The following FAM117B variants were observed in gnomAD, a reference collection of about 807,000 sequenced individuals.
FAM117B encodes family with sequence similarity 117 member B, also known as protein FAM117B.
Under a neutral mutation model 52.8 loss-of-function variants are expected in FAM117B, and 22 were observed. That is an observed-to-expected ratio of 0.42 (90% CI 0.30 to 0.59). The LOEUF is 0.59. FAM117B is among the 20% of genes least tolerant of loss of function. The probability of loss-of-function intolerance (pLI) is 0.22; values close to 1 mark genes in which losing one functional copy is unlikely to be tolerated. For missense variants in FAM117B, 678 were observed against 802.6 expected (o/e 0.84, Z 1.88); for synonymous variants, 309 against 324.1 (o/e 0.95, Z 0.50).
chr2:202,662,759 G>T (rs569430444), intron 1 of FAM117B, among the ~76,000 whole-genome samples: 1 of 152,206 alleles, frequency 6.6e-6, no homozygotes, highest in South Asian at 2.1e-4. Context: ...CAGGAGAATT[G>T]CTTGAACCCG....
chr2:202,642,188 C>T (rs565219901), intron 1 of FAM117B, among the ~76,000 whole-genome samples: 3 of 144,258 alleles, frequency 2.1e-5, no homozygotes, highest in Non-Finnish European at 3.0e-5. Flanking sequence ...CTCCTGACCT[C>T]GTGATCTGTC....
intron 1 of FAM117B, among the ~76,000 whole-genome samples, chr2:202,660,491 A>G (rs978653601): frequency 5.3e-5 from 8 of 152,002 alleles, no homozygotes; most frequent in South Asian, 2.1e-4. Context: ...CGGTATCTAT[A>G]TCTTAATTTA....
At position 202,737,602 on chromosome 2, in the gene FAM117B, T is replaced by A. The variant is rs537691837; in HGVS notation, c.960+11239T>A. ...TCTAAGTAGTTGTGTGTATCAATAG[T>A]TTAACTTTTTTTTTTTTGAGACAGA... On this transcript the variant is annotated intron_variant, in intron 4 of 7. Coordinates refer to ENST00000392238, the MANE Select transcript of FAM117B (RefSeq NM_173511.4). Among the ~76,000 whole-genome samples the A allele has an allele frequency of 4.5e-4, 69 of 152,034 alleles. 2 individuals are homozygous for A. Among genetic ancestry groups the A allele is most frequent in the African/African-American group, 1.4e-3 (56 of 41,410 alleles).
intron 1 of FAM117B, among the ~76,000 whole-genome samples, chr2:202,676,361 A>C (rs1690379107): frequency 6.8e-6 from 1 of 147,078 alleles, no homozygotes. Context: ...TCTATGAGAT[A>C]ATAAATATTC....
Position 202,759,329 on chromosome 2 carries a change from G to A in FAM117B, c.1427G>A (p.Arg476Lys). Residue 476 changes from arginine to lysine, a missense_variant, in exon 7 of 8, where the codon AGG (arginine) becomes AAG (lysine). Arg to Lys is a conservative substitution (Grantham distance 26). Around this residue, in one of 3 missense-constraint regions of FAM117B, gnomAD observed 27 missense variants for 77.3 expected, o/e 0.35. Transcript: ENST00000392238. Reference sequence around the variant, plus strand: ...AGGGAACCTCCTGAGGGCTGTGAAAGGGTCAAAGTCTTTGAGGAATGCTCG... The same window carrying A: ...AGGGAACCTCCTGAGGGCTGTGAAAAGGTCAAAGTCTTTGAGGAATGCTCG... Reference protein sequence around the residue: ...FKREPPEGCERVKVFEECSPK... With the variant: ...FKREPPEGCEKVKVFEECSPK... The A allele has an allele frequency of 6.2e-7, 1 of 1,613,846 alleles. No homozygotes were observed. Among genetic ancestry groups the A allele is most frequent in the Non-Finnish European group, 8.5e-7 (1 of 1,179,946 alleles).
chr2:202,724,942 A>G lies in FAM117B; in HGVS notation c.779A>G (p.Tyr260Cys), dbSNP rs774235112. The change falls in exon 3 of 8, where the codon TAC (tyrosine) becomes TGC (cysteine). Residue 260 changes from tyrosine (Y) to cysteine (C), a missense_variant. Transcript: ENST00000392238. ...TQTESAWAEE[Y>C]SEKKKGSHKR... Reference sequence around the variant, plus strand: ...ACAGAGAGTGCATGGGCTGAAGAATACTCTGAAAAGAAGAAAGGGTCTCAC... The same window carrying G: ...ACAGAGAGTGCATGGGCTGAAGAATGCTCTGAAAAGAAGAAAGGGTCTCAC... The G allele has an allele frequency of 1.2e-6, 2 of 1,612,744 alleles. No individual in the cohort carries two copies. Among genetic ancestry groups the G allele is most frequent in the South Asian group, 2.2e-5 (2 of 90,946 alleles).
intron 4 of FAM117B, among the ~76,000 whole-genome samples, chr2:202,754,086 T>C (rs980526750): frequency 6.6e-6 from 1 of 152,252 alleles, no homozygotes; most frequent in East Asian, 1.9e-4. Context: ...TATGTGTTTA[T>C]TGCAGCACTG....
rs979348608 is a variant in FAM117B at position 202,764,871 on chromosome 2, CAAAG to C, written c.1452-572_1452-569del. 9.2e-5 allele frequency among the ~76,000 whole-genome samples: 14 copies of C among 152,244 alleles called. No homozygotes were observed. In the East Asian group the frequency reaches 2.5e-3, roughly 27 times the overall value. ...GCTCAGAAAACTATCAGGGTTAACT[CAAAG>C]AATTGTTTCCATCAAAGAGATTTTT... On this transcript the variant is annotated intron_variant, in intron 7 of 7. Coordinates refer to ENST00000392238, the MANE Select transcript of FAM117B (RefSeq NM_173511.4).
At chr2:202,651,528 A>G (rs1425283793) in intron 1 of FAM117B, among the ~76,000 whole-genome samples, 1 of 149,246 alleles carries the variant, frequency 6.7e-6, no homozygotes, top group African/African-American at 2.5e-5. Context: ...GCTCACGACC[A>G]TGCCTGGTTA....
intron 1 of FAM117B, among the ~76,000 whole-genome samples, chr2:202,694,718 G>C (rs13411787): frequency 0.097 from 14,807 of 152,108 alleles, 2,397 homozygotes; most frequent in African/African-American, 0.34. Context: ...GTTTATGCAT[G>C]CCCTAGGATA....
intron 1 of FAM117B, among the ~76,000 whole-genome samples, chr2:202,689,977 T>C (rs1364284346): frequency 1.3e-5 from 2 of 152,140 alleles, no homozygotes; most frequent in East Asian, 3.9e-4. Flanking sequence ...GTTCTAAAAA[T>C]ATTTATATCT....
chr2:202,700,008 T>G (rs1312161702), intron 2 of FAM117B, among the ~76,000 whole-genome samples: 2 of 152,230 alleles, frequency 1.3e-5, no homozygotes, highest in African/African-American at 2.4e-5. Context: ...CATGCCTATA[T>G]AAGACGGGGA....
intron 4 of FAM117B, among the ~76,000 whole-genome samples, chr2:202,731,822 G>C (rs886526690): frequency 6.6e-6 from 1 of 151,722 alleles, no homozygotes; most frequent in Non-Finnish European, 1.5e-5. Flanking sequence ...TGCAATCTCC[G>C]CCTACCAGGT....
In FAM117B at chr2:202,727,004, T is replaced by G. The variant is rs75464565; in HGVS notation, c.960+641T>G. Among the ~76,000 whole-genome samples the G allele has an allele frequency of 7.9e-4, 120 of 152,308 alleles. 1 individual carries two copies. Among genetic ancestry groups the G allele is most frequent in the Non-Finnish European group, 1.4e-3 (96 of 68,026 alleles). ...TTGATAGAGACAAACCTTTATCTGC[T>G]TTGATTTTTTAGTAGAACCCATGAA... is the stretch of plus-strand genomic sequence containing the variant. On this transcript the variant is annotated intron_variant, in intron 4 of 7. Transcript: ENST00000392238.
intron 4 of FAM117B, among the ~76,000 whole-genome samples, chr2:202,731,901 A>G (rs2105789739): frequency 6.6e-6 from 1 of 151,460 alleles, no homozygotes; most frequent in Admixed American, 6.6e-5. Context: ...ACACCCAGCT[A>G]ATTTTATATT....
intron 1 of FAM117B, among the ~76,000 whole-genome samples, chr2:202,646,839 C>G (rs1240471599): frequency 6.6e-6 from 1 of 151,610 alleles, no homozygotes; most frequent in South Asian, 2.1e-4. Context: ...TTTTTTTTTA[C>G]CTTGTTTAAG....
At chr2:202,760,046 A>G (rs1220386938) in intron 7 of FAM117B, among the ~76,000 whole-genome samples, 1 of 152,040 alleles carries the variant, frequency 6.6e-6, no homozygotes, top group Non-Finnish European at 1.5e-5. Context: ...TATAGTGATC[A>G]CTCATATATC....
At chr2:202,713,506 G>A (rs996069238) in intron 2 of FAM117B, among the ~76,000 whole-genome samples, 1 of 151,962 alleles carries the variant, frequency 6.6e-6, no homozygotes, top group African/African-American at 2.4e-5. Context: ...TTGTCTTCAT[G>A]TCAAATTCAT....
rs1559104156 is a variant in FAM117B at position 202,695,862 on chromosome 2, A to G, written c.602-19A>G. On this transcript the variant is annotated intron_variant, in intron 1 of 7. Transcript: ENST00000392238. The stretch of plus-strand genomic sequence containing the variant: ...CTTTCCTAATTTTATTAAAACAAGC[A>G]TTTTTGTCTTAAATCTAGGTGACAA... 1 of 1,556,244 alleles carries G rather than the reference A, an allele frequency of 6.4e-7. No homozygotes were observed. Among genetic ancestry groups the G allele is most frequent in the East Asian group, 2.4e-5 (1 of 41,584 alleles).
Sources: gnomAD v4.1 joint callset for allele counts (sites outside exome capture counted in the v4.1 genomes callset) on GRCh38, gnomAD v4.1.1 for gene constraint, gnomAD v4.1.1 regional missense constraint, MANE v1.5 for transcripts, NCBI Gene and HGNC (gene_info 2026-07-23, HGNC 2026-07-21) for gene names.